Variants in NOP9 observed in about 807,000 individuals in gnomAD.
NOP9 encodes NOP9 nucleolar protein.
In NOP9, 50 loss-of-function variants were observed where a neutral mutation model predicts 63.0. That is an observed-to-expected ratio of 0.79 (90% CI 0.63 to 1.00). NOP9 has a LOEUF of 1.00. NOP9 is among the 50% of genes least tolerant of loss of function. The pLI is 0.00. For synonymous variants in NOP9, 343 were observed against 332.8 expected, an observed-to-expected ratio of 1.03 and a Z score of -0.33; for missense variants, 758 against 803.0, an observed-to-expected ratio of 0.94 and a Z score of 0.68.
chr14:24,307,941 A>G lies in NOP9; in HGVS notation c.*2846A>G. On this transcript the variant is annotated 3_prime_UTR_variant, in exon 10 of 10. Transcript: ENST00000267425. ...TGGGGCTTTAGTGGTGTTTTCTGTTACAAACCTGGGATCTCAGCCCAGGAC... is the reference window on the plus strand; with the variant it reads ...TGGGGCTTTAGTGGTGTTTTCTGTTGCAAACCTGGGATCTCAGCCCAGGAC... The G allele has an allele frequency of 1.6e-6, 2 of 1,278,540 alleles. No homozygotes were observed. Among genetic ancestry groups the G allele is most frequent in the Non-Finnish European group, 2.2e-6 (2 of 898,490 alleles). The allele number at this position is 1,278,540 out of a possible 1,614,324, so 79.2% of individuals were successfully genotyped here. A position where few individuals can be genotyped will look rare whatever the true frequency, so the allele number is the denominator to read the frequency against.
the NOP9 span, among the ~76,000 whole-genome samples, chr14:24,282,458 G>GC: frequency 6.6e-6 from 1 of 152,154 alleles, no homozygotes; most frequent in African/African-American, 2.4e-5. Context: ...AATTCTCTCA[G>GC]CCCCTACAAT....
chr14:24,275,191 C>T, the NOP9 span, among the ~76,000 whole-genome samples: 31 of 152,212 alleles, frequency 2.0e-4, no homozygotes, highest in Middle Eastern at 3.4e-3. Flanking sequence ...GGATTATAGG[C>T]GTGAGCCACC....
At chr14:24,300,933 G>A (rs754351920) in intron 2 of NOP9, 76 bp downstream of exon 2, 6 of 1,222,952 alleles carry the variant, frequency 4.9e-6, no homozygotes, top group Admixed American at 2.2e-5. Flanking sequence ...GTAAACAGAA[G>A]AGTAAGTCTT....
chr14:24,302,492 T>C, intron 5 of NOP9, 68 bp downstream of exon 5: 1 of 1,432,832 alleles, frequency 7.0e-7, no homozygotes, highest in Non-Finnish European at 9.6e-7. Context: ...TTTTATGGTC[T>C]GTCTGCCTCT....
In NOP9 at chr14:24,303,076, G is replaced by C. The variant is rs1379537108; in HGVS notation, c.1146G>C (p.Leu382=). ...LLDAVTTPEL[L]SPVFEELSPV... ...TTACATTCCATGTTTCCCATCAGCTGTCCCCTGTGTTTGAGGAGCTGAGCC... is the reference window on the plus strand; with the variant it reads ...TTACATTCCATGTTTCCCATCAGCTCTCCCCTGTGTTTGAGGAGCTGAGCC... The change falls in exon 6 of 10, where the codon CTG becomes CTC. Residue 382 remains leucine, a splice_region_variant and synonymous_variant. Coordinates refer to ENST00000267425, the MANE Select transcript of NOP9 (RefSeq NM_174913.3). The C allele has an allele frequency of 6.5e-7, 1 of 1,529,236 alleles. No individual in the cohort carries two copies. The allele number at this position is 1,529,236 out of a possible 1,614,324, so 94.7% of individuals were successfully genotyped here.
intron 6 of NOP9, 126 bp downstream of exon 6, chr14:24,303,340 A>G (rs2041411708): frequency 1.7e-6 from 2 of 1,212,016 alleles, no homozygotes; most frequent in South Asian, 1.3e-5. Flanking sequence ...GTTCACAGGA[A>G]TGGGGGAAAA....
At chr14:24,281,975 A>G in the NOP9 span, among the ~76,000 whole-genome samples, 1 of 152,362 alleles carries the variant, frequency 6.6e-6, no homozygotes, top group East Asian at 1.9e-4. Flanking sequence ...TGGGAGGCCA[A>G]GGCGGGCGGA....
rs768036452 is a variant in NOP9, at chr14:24,306,017, T to A, written c.*922T>A. ...GAGTAGAGCCCGTAGAATGTGGCTT[T>A]GACATTCAGGCTGCCAAAGAGGTCT... On this transcript the variant is annotated 3_prime_UTR_variant, in exon 10 of 10. Coordinates refer to ENST00000267425, the MANE Select transcript of NOP9 (RefSeq NM_174913.3). The A allele has an allele frequency of 5.5e-5, 89 of 1,614,046 alleles. No individual in the cohort carries two copies. Among genetic ancestry groups the A allele is most frequent in the Admixed American group, 1.3e-4 (8 of 60,006 alleles).
chr14:24,296,586 C>T (rs978605287), upstream of NOP9: 20 of 1,613,694 alleles, frequency 1.2e-5, no homozygotes, highest in Non-Finnish European at 1.6e-5. Context: ...TGTTCAGGAT[C>T]GTCTGGAAGG....
At chr14:24,296,168 C>G (rs2041244035), upstream of NOP9, among the ~76,000 whole-genome samples, 1 of 152,212 alleles carries the variant, frequency 6.6e-6, no homozygotes, top group South Asian at 2.1e-4. Context: ...AAAACAATTT[C>G]TCCCTCTAAC....
chr14:24,282,298 C>T, the NOP9 span, among the ~76,000 whole-genome samples: 2 of 152,206 alleles, frequency 1.3e-5, no homozygotes, highest in African/African-American at 4.8e-5. Flanking sequence ...TCCAGACTCT[C>T]GCTGTAAAGC....
At chr14:24,283,825 C>CTA in the NOP9 span, among the ~76,000 whole-genome samples, 11 of 152,282 alleles carry the variant, frequency 7.2e-5, no homozygotes, top group Middle Eastern at 3.2e-3. Flanking sequence ...CTTTAACTAA[C>CTA]ATCTGCTATT....
At chr14:24,281,976 G>A in the NOP9 span, among the ~76,000 whole-genome samples, 1 of 152,364 alleles carries the variant, frequency 6.6e-6, no homozygotes, top group African/African-American at 2.4e-5. Flanking sequence ...GGGAGGCCAA[G>A]GCGGGCGGAT....
In NOP9 at chr14:24,302,270, G is replaced by C; in HGVS notation, c.989G>C (p.Arg330Thr). Residue 330 changes from arginine to threonine, a missense_variant, in exon 5 of 10, where the codon AGA (arginine) becomes ACA (threonine). Coordinates refer to ENST00000267425, the MANE Select transcript of NOP9 (RefSeq NM_174913.3). ...LLFLRDQTSS[R>T]LLEQVLLVLE... is the part of the protein sequence containing the mutation. ...TTTCTCCGAGATCAGACGAGTTCCA[G>C]ACTCCTGGAGCAGGTCCTGCTGGTG... is the stretch of plus-strand genomic sequence containing the variant. 6.2e-7 allele frequency: 1 copy of C among 1,613,946 alleles called. No homozygotes were observed. Among genetic ancestry groups the C allele is most frequent in the Non-Finnish European group, 8.5e-7 (1 of 1,179,830 alleles).
chr14:24,303,369 G>T (rs923971935), intron 6 of NOP9, among the ~76,000 whole-genome samples, 155 bp downstream of exon 6: 1 of 148,738 alleles, frequency 6.7e-6, no homozygotes, highest in East Asian at 2.0e-4. Flanking sequence ...ATAGGTGCCC[G>T]CCACCATACC....
rs61737107 is a variant in NOP9 at position 24,307,515 on chromosome 14, C to T, written c.*2420C>T. On this transcript the variant is annotated 3_prime_UTR_variant, in exon 10 of 10. Transcript: ENST00000267425. ...ACTCCGAGCTTATATTAGATACTGACCTGGTAGTTGAGAAGAAAAGTCAAG... is the reference window on the plus strand; with the variant it reads ...ACTCCGAGCTTATATTAGATACTGATCTGGTAGTTGAGAAGAAAAGTCAAG... 1,589 of 1,612,330 alleles carry T rather than the reference C, an allele frequency of 9.9e-4. 13 individuals carry two copies. In the African/African-American group the frequency reaches 0.017, roughly 17 times the overall value.
chr14:24,293,956 G>A, the NOP9 span: 6 of 152,182 alleles, frequency 3.9e-5, no homozygotes, highest in African/African-American at 4.8e-5. Flanking sequence ...ATGTGAGAAC[G>A]CAATGTATTA....
chr14:24,299,625 G>T (rs2041328163), upstream of NOP9: 1 of 301,562 alleles, frequency 3.3e-6, no homozygotes, highest in Non-Finnish European at 6.2e-6. Flanking sequence ...GCGGGGCTGC[G>T]GTGGAAGTCT....
At position 24,306,651 on chromosome 14, in the gene NOP9, T is replaced by C; in HGVS notation, c.*1556T>C. The C allele has an allele frequency of 1.7e-6, 2 of 1,157,594 alleles. No individual in the cohort carries two copies. The highest frequency in any genetic ancestry group is 2.5e-6 in the Non-Finnish European group (2 of 799,976). The allele number at this position is 1,157,594 out of a possible 1,614,324, so 71.7% of individuals were successfully genotyped here. ...CCACTTTGACTTTCCGGCACTTTGA[T>C]ACCTCCTAAAGGTTGCAGCTCTCCG... On this transcript the variant is annotated 3_prime_UTR_variant, in exon 10 of 10. Coordinates refer to ENST00000267425, the MANE Select transcript of NOP9 (RefSeq NM_174913.3).
Sources: allele counts gnomAD v4.1 joint callset (sites outside exome capture counted in the v4.1 genomes callset), GRCh38; gene constraint gnomAD v4.1.1; transcripts MANE v1.5; gene names NCBI Gene and HGNC (gene_info 2026-07-23, HGNC 2026-07-21).